MDGA2: variants seen among roughly 807,000 people sequenced by gnomAD.
The protein encoded by MDGA2 is MAM domain-containing glycosylphosphatidylinositol anchor protein 2.
MDGA2 carries 40 observed loss-of-function variants against 117.8 expected under a neutral mutation model. The observed-to-expected ratio is 0.34, with a 90% CI of 0.26 to 0.44. The LOEUF is 0.44. MDGA2 is among the 20% of genes least tolerant of loss of function. The pLI, the probability that MDGA2 is intolerant of heterozygous loss-of-function variation, is 1.00. For missense variants in MDGA2, 1,123 were observed against 1,250.6 expected (o/e 0.90, Z 1.54); for synonymous variants, 452 against 439.0 (o/e 1.03, Z -0.37).
chr14:47,654,551 G>C (rs1438556705), intron 1 of MDGA2, among the ~76,000 whole-genome samples: 1 of 152,090 alleles, frequency 6.6e-6, no homozygotes, highest in Non-Finnish European at 1.5e-5. Flanking sequence ...ATATGTTCCA[G>C]TAGAATCAGT....
intron 1 of MDGA2, among the ~76,000 whole-genome samples, chr14:47,595,862 T>C (rs1566532847): frequency 6.6e-6 from 1 of 152,156 alleles, no homozygotes; most frequent in Admixed American, 6.5e-5. Context: ...GAAACAGACA[T>C]CTGCATAAGG....
At chr14:46,847,624 A>G (rs1880893721) in intron 15 of MDGA2, among the ~76,000 whole-genome samples, 1 of 151,986 alleles carries the variant, frequency 6.6e-6, no homozygotes, top group Non-Finnish European at 1.5e-5. Context: ...ATTTAGAAAA[A>G]AATGAACGGT....
chr14:47,600,032 C>T (rs1047498483), intron 1 of MDGA2, among the ~76,000 whole-genome samples: 5 of 151,956 alleles, frequency 3.3e-5, no homozygotes, highest in African/African-American at 1.2e-4. Flanking sequence ...TTCAAATTTT[C>T]AAGGAAATGT....
intron 4 of MDGA2, among the ~76,000 whole-genome samples, chr14:47,133,895 A>G (rs996487834): frequency 6.6e-6 from 1 of 151,988 alleles, no homozygotes; most frequent in Non-Finnish European, 1.5e-5. Context: ...CCTACAATCA[A>G]CTAAAAAACT....
intron 6 of MDGA2, among the ~76,000 whole-genome samples, chr14:47,085,952 A>G (rs1179912584): frequency 6.6e-6 from 1 of 152,104 alleles, no homozygotes; most frequent in Non-Finnish European, 1.5e-5. Context: ...AGATAGCAGA[A>G]AAGAATATAT....
chr14:47,608,140 A>C (rs1380958194), intron 1 of MDGA2, among the ~76,000 whole-genome samples: 1 of 152,164 alleles, frequency 6.6e-6, no homozygotes, highest in East Asian at 1.9e-4. Flanking sequence ...CCATTGAGTA[A>C]TACCTTTAAC....
intron 2 of MDGA2, among the ~76,000 whole-genome samples, chr14:47,242,624 G>A (rs1031951336): frequency 9.2e-5 from 14 of 151,786 alleles, no homozygotes; most frequent in South Asian, 2.1e-4. Flanking sequence ...TCCCCCAGCA[G>A]TGCTGGCCCA....
chr14:47,048,633 A>C (rs1049269529), intron 7 of MDGA2, among the ~76,000 whole-genome samples: 3 of 152,054 alleles, frequency 2.0e-5, no homozygotes, highest in Non-Finnish European at 2.9e-5. Context: ...TGCCACCTTA[A>C]TAAACATTTT....
intron 10 of MDGA2, among the ~76,000 whole-genome samples, chr14:46,918,760 C>CTTTTTTTTTTTTTTTTTTTTTTTTTTTT (rs34958634): frequency 8.0e-6 from 1 of 124,808 alleles, no homozygotes; most frequent in African/African-American, 3.4e-5. Context: ...TACAGTGTAT[C>CTTTTTTTTTTTTTTTTTTTTTTTTTTTT]TTTTTTTTTT....
intron 10 of MDGA2, among the ~76,000 whole-genome samples, chr14:46,893,773 C>T (rs1476680699): frequency 2.0e-5 from 3 of 151,956 alleles, no homozygotes; most frequent in Non-Finnish European, 2.9e-5. Flanking sequence ...AGAGATTGAG[C>T]TATTTTAAAA....
Position 47,370,468 on chromosome 14 carries a change from G to GTTTT in MDGA2, c.281-68922_281-68919dup, listed in dbSNP as rs67255552. 1.4e-3 allele frequency among the ~76,000 whole-genome samples: 28 copies of GTTTT among 20,682 alleles called. 12 individuals are homozygous for GTTTT. The highest frequency in any genetic ancestry group is 2.1e-3 in the South Asian group (1 of 470). 13.6% of individuals were successfully genotyped at this position (20,682 alleles called of 152,430 possible). On this transcript the variant is annotated intron_variant, in intron 1 of 16. Transcript: ENST00000399232. ...TTACTATTTTCTAGGTCTACTTACT[G>GTTTT]TTTTTTTTTTTTTTTTTTTTTTTTT...
intron 1 of MDGA2, among the ~76,000 whole-genome samples, chr14:47,588,915 T>C (rs1896383663): frequency 6.6e-6 from 1 of 151,952 alleles, no homozygotes; most frequent in Non-Finnish European, 1.5e-5. Flanking sequence ...TCCTTGTCCA[T>C]TCAGCTCTAG....
rs137889864 is a variant in MDGA2 at position 47,248,822 on chromosome 14, A to T, written c.421-30627T>A. On this transcript the variant is annotated intron_variant, in intron 2 of 16. Transcript: ENST00000399232. ...TCTAATAGCAAGATTGATTTGAAAA[A>T]AAATTCAATTAATGCTGCTATAAGA... Among the ~76,000 whole-genome samples, 38 of 152,278 alleles carry T rather than the reference A, an allele frequency of 2.5e-4. No homozygotes were observed. In the East Asian group the frequency reaches 4.6e-3, roughly 19 times the overall value.
intron 1 of MDGA2, among the ~76,000 whole-genome samples, chr14:47,471,525 T>A (rs1181123788): frequency 6.6e-6 from 1 of 152,138 alleles, no homozygotes; most frequent in African/African-American, 2.4e-5. Flanking sequence ...TGACAGCATT[T>A]TCCCCCATTT....
At chr14:47,601,400 T>A (rs72670781) in intron 1 of MDGA2, among the ~76,000 whole-genome samples, 22,771 of 151,364 alleles carry the variant, frequency 0.15, 1,875 homozygotes, top group African/African-American at 0.18. Context: ...CAAATTTTTT[T>A]AAAAAAAAAT....
chr14:47,566,516 T>C (rs760490481), intron 1 of MDGA2, among the ~76,000 whole-genome samples: 8 of 152,164 alleles, frequency 5.3e-5, no homozygotes, highest in African/African-American at 1.9e-4. Context: ...TGTTCCCACA[T>C]TAAACCCTCT....
chr14:46,862,593 T>C (rs1595002328), intron 14 of MDGA2, among the ~76,000 whole-genome samples: 1 of 151,726 alleles, frequency 6.6e-6, no homozygotes, highest in African/African-American at 2.4e-5. Context: ...CCCCATAGAG[T>C]CTTGAAATTG....
chr14:46,840,013 G>A (rs185796218), downstream of MDGA2: 1 of 152,224 alleles, frequency 6.6e-6, no homozygotes, highest in East Asian at 1.9e-4. Context: ...TTTATCCCAT[G>A]GTAACCAATA....
At chr14:47,456,556 G>C (rs2138582266) in intron 1 of MDGA2, among the ~76,000 whole-genome samples, 2 of 151,760 alleles carry the variant, frequency 1.3e-5, no homozygotes, top group Middle Eastern at 6.8e-3. Flanking sequence ...ACCCATCTCG[G>C]CCTCCCAAAG....
Sources: allele counts gnomAD v4.1 joint callset (sites outside exome capture counted in the v4.1 genomes callset), GRCh38; gene constraint gnomAD v4.1.1; transcripts MANE v1.5; gene names NCBI Gene and HGNC (gene_info 2026-07-23, HGNC 2026-07-21).